Variants in STPG2 observed in about 807,000 individuals in gnomAD.
STPG2 encodes sperm tail PG-rich repeat containing 2.
Under a neutral mutation model 54.2 loss-of-function variants are expected in STPG2, and 56 were observed. The observed-to-expected ratio is 1.03, with a 90% confidence interval of 0.83 to 1.29. The LOEUF (loss-of-function observed/expected upper bound fraction) is 1.29. STPG2 is among the 50% of genes most tolerant of loss of function. The probability of loss-of-function intolerance (pLI) is 0.00; values close to 1 mark genes in which losing one functional copy is unlikely to be tolerated. For synonymous variants in STPG2, 200 were observed against 181.8 expected (o/e 1.10, Z -0.81); for missense variants, 596 against 544.9 (o/e 1.09, Z -0.93).
Position 98,081,278 on chromosome 4 carries a change from T to C in STPG2, c.612+24675A>G, listed in dbSNP as rs141960582. On this transcript the variant is annotated intron_variant, in intron 5 of 10. Coordinates refer to ENST00000295268, the MANE Select transcript of STPG2 (RefSeq NM_174952.3). ...GGTCAGTTTGGAGTATCAGTGTGTG[T>C]TGAGCCCTCCTCCTGATAGTAATCC... 1.3e-3 allele frequency among the ~76,000 whole-genome samples: 204 copies of C among 152,318 alleles called. 4 individuals are homozygous for C. In the East Asian group the frequency reaches 0.034, roughly 25 times the overall value.
At chr4:97,862,414 C>T (rs920159042) in intron 8 of STPG2, among the ~76,000 whole-genome samples, 6 of 152,034 alleles carry the variant, frequency 3.9e-5, no homozygotes, top group Non-Finnish European at 8.8e-5. Context: ...AATATATATG[C>T]ACCCAATACA....
rs184475533 is a variant in STPG2, at chr4:97,500,676, A to T, written c.462+212023T>A. On this transcript the variant is annotated intron_variant, in intron 4 of 4. Transcript: ENST00000522676. ...GAGACAGGATGGTGTCCTGGATGTC[A>T]AGAGCAGATGACTCAAGTAAGAATG... Among the ~76,000 whole-genome samples, 642 of 152,188 alleles carry T rather than the reference A, an allele frequency of 4.2e-3. 3 individuals carry two copies. Among genetic ancestry groups the T allele is most frequent in the South Asian group, 0.02 (98 of 4,822 alleles).
At chr4:97,797,605 G>C (rs2149086392) in intron 9 of STPG2, among the ~76,000 whole-genome samples, 1 of 152,302 alleles carries the variant, frequency 6.6e-6, no homozygotes, top group African/African-American at 2.4e-5. Context: ...TATTATTCAT[G>C]ATTTTTGCAT....
chr4:98,132,164 C>T (rs1467075233), intron 2 of STPG2, among the ~76,000 whole-genome samples: 1 of 151,978 alleles, frequency 6.6e-6, no homozygotes, highest in African/African-American at 2.4e-5. Context: ...TTCCTCTATA[C>T]ATAGGTAAAC....
chr4:97,838,617 A>T (rs1489952505), intron 9 of STPG2, among the ~76,000 whole-genome samples: 1 of 151,520 alleles, frequency 6.6e-6, no homozygotes, highest in Non-Finnish European at 1.5e-5. Context: ...GATTAGATCA[A>T]TGTAACAGAG....
At chr4:97,844,097 T>A (rs761319080) in intron 8 of STPG2, among the ~76,000 whole-genome samples, 1 of 151,822 alleles carries the variant, frequency 6.6e-6, no homozygotes, top group Non-Finnish European at 1.5e-5. Flanking sequence ...GCATGAAACC[T>A]CCTAATTTCA....
At chr4:98,007,300 C>T (rs1358524781) in intron 5 of STPG2, among the ~76,000 whole-genome samples, 3 of 152,180 alleles carry the variant, frequency 2.0e-5, no homozygotes, top group Non-Finnish European at 4.4e-5. Context: ...TGCTCACCCG[C>T]CTGGTACACC....
chr4:98,002,617 C>G (rs17548431), intron 5 of STPG2, among the ~76,000 whole-genome samples: 59,836 of 151,626 alleles, frequency 0.39, 12,034 homozygotes, highest in Middle Eastern at 0.47. Context: ...ACTCTGTGTG[C>G]TGGAATGTCA....
intron 5 of STPG2, among the ~76,000 whole-genome samples, chr4:98,091,546 T>G (rs1444249293): frequency 6.6e-6 from 1 of 152,078 alleles, no homozygotes; most frequent in African/African-American, 2.4e-5. Context: ...ATTTCTCCTT[T>G]TAAGCCTCAT....
intron 5 of STPG2, among the ~76,000 whole-genome samples, chr4:98,015,213 T>G (rs1735900882): frequency 6.6e-6 from 1 of 152,150 alleles, no homozygotes; most frequent in Non-Finnish European, 1.5e-5. Context: ...AAATGGGATC[T>G]AATTAAACTA....
intron 7 of STPG2, among the ~76,000 whole-genome samples, chr4:97,964,058 T>C (rs1012987818): frequency 1.3e-5 from 2 of 152,184 alleles, no homozygotes; most frequent in African/African-American, 4.8e-5. Flanking sequence ...GGAAGGACTA[T>C]GATGGGTCTG....
intron 4 of STPG2, among the ~76,000 whole-genome samples, chr4:97,473,726 G>A (rs770612853): frequency 1.3e-5 from 2 of 152,054 alleles, no homozygotes; most frequent in African/African-American, 2.4e-5. Flanking sequence ...AAACTTGCTG[G>A]TTTCACGGCT....
intron 5 of STPG2, among the ~76,000 whole-genome samples, chr4:98,095,376 G>C (rs1365676467): frequency 1.3e-5 from 2 of 152,134 alleles, no homozygotes; most frequent in Admixed American, 1.3e-4. Context: ...AAGACATAGA[G>C]CAGCTGAACA....
At chr4:97,508,774 G>A (rs1334191391) in intron 4 of STPG2, among the ~76,000 whole-genome samples, 1 of 151,788 alleles carries the variant, frequency 6.6e-6, no homozygotes, top group African/African-American at 2.4e-5. Context: ...ATAAATCCAC[G>A]ATTATGAACT....
intron 5 of STPG2, among the ~76,000 whole-genome samples, chr4:98,011,819 T>C (rs1735761525): frequency 2.0e-5 from 3 of 152,224 alleles, no homozygotes; most frequent in Admixed American, 2.0e-4. Context: ...TTGTTTTTCT[T>C]GTAAATTTGT....
intron 10 of STPG2, among the ~76,000 whole-genome samples, chr4:97,688,814 G>A (rs1216260809): frequency 6.6e-6 from 1 of 151,994 alleles, no homozygotes; most frequent in Non-Finnish European, 1.5e-5. Flanking sequence ...GACAGCAAAT[G>A]TATTCATTCA....
At chr4:97,699,339 ATAC>A (rs773613715) in intron 10 of STPG2, among the ~76,000 whole-genome samples, 2 of 152,166 alleles carry the variant, frequency 1.3e-5, no homozygotes, top group Non-Finnish European at 2.9e-5. Flanking sequence ...AGAATGGGTC[ATAC>A]TATCCAATTG....
At chr4:97,874,058 T>C (rs902262276) in intron 8 of STPG2, among the ~76,000 whole-genome samples, 3 of 151,576 alleles carry the variant, frequency 2.0e-5, no homozygotes, top group African/African-American at 7.2e-5. Flanking sequence ...AAAACATTAA[T>C]ATAGCCTCTT....
intron 4 of STPG2, among the ~76,000 whole-genome samples, chr4:97,454,306 G>A (rs1729454379): frequency 6.6e-6 from 1 of 151,222 alleles, no homozygotes; most frequent in Non-Finnish European, 1.5e-5. Context: ...GAGGTCAGGA[G>A]ATCGAGACCA....
Sources: gnomAD v4.1 joint callset for allele counts (sites outside exome capture counted in the v4.1 genomes callset) on GRCh38, gnomAD v4.1.1 for gene constraint, MANE v1.5 for transcripts, NCBI Gene and HGNC (gene_info 2026-07-23, HGNC 2026-07-21) for gene names.